Variants in ZMYM2 observed in about 807,000 individuals in gnomAD.
The protein encoded by ZMYM2 is zinc finger MYM-type protein 2.
A neutral mutation model predicts 162.8 loss-of-function variants in ZMYM2; 56 were observed. The observed-to-expected ratio is 0.34, with a 90% CI of 0.28 to 0.43. ZMYM2 has a LOEUF of 0.43. Ranked by LOEUF, ZMYM2 falls within the 20% of genes least tolerant of loss-of-function variation. The pLI is 1.00. For missense variants in ZMYM2, 1,275 were observed against 1,621.8 expected, an observed-to-expected ratio of 0.79 and a Z score of 3.67; for synonymous variants, 510 against 541.6, an observed-to-expected ratio of 0.94 and a Z score of 0.81.
the ZMYM2 span, among the ~76,000 whole-genome samples, chr13:19,870,538 TCTTTC>T: frequency 1.9e-5 from 1 of 51,632 alleles, no homozygotes. Flanking sequence ...TCTTTCTTTC[TCTTTC>T]TTTCTTTCTT....
the ZMYM2 span, among the ~76,000 whole-genome samples, chr13:19,891,585 G>A: frequency 5.9e-4 from 88 of 148,400 alleles, 1 homozygote; most frequent in African/African-American, 1.9e-3. Context: ...AGACCAGCCC[G>A]GGCAACAAAG....
At chr13:20,036,533 A>G (rs1171981802) in intron 11 of ZMYM2, among the ~76,000 whole-genome samples, 1 of 152,166 alleles carries the variant, frequency 6.6e-6, no homozygotes, top group Non-Finnish European at 1.5e-5. Flanking sequence ...TTGAAACATT[A>G]TTTTAACCCA....
At chr13:20,061,559 T>G (rs968177469) in intron 17 of ZMYM2, among the ~76,000 whole-genome samples, 5 of 152,104 alleles carry the variant, frequency 3.3e-5, no homozygotes, top group African/African-American at 1.2e-4. Flanking sequence ...AAAACTCTTA[T>G]TTTGTAATAG....
At chr13:19,884,575 A>T in the ZMYM2 span, among the ~76,000 whole-genome samples, 1 of 152,212 alleles carries the variant, frequency 6.6e-6, no homozygotes, top group East Asian at 1.9e-4. Context: ...ACCTGTATCA[A>T]AAAGAAAAAA....
At chr13:20,063,478 T>C (rs1956385028) in intron 18 of ZMYM2, among the ~76,000 whole-genome samples, 1 of 151,620 alleles carries the variant, frequency 6.6e-6, no homozygotes, top group Non-Finnish European at 1.5e-5. Context: ...GTGTCCTTTT[T>C]AATTTAAAAA....
intron 12 of ZMYM2, among the ~76,000 whole-genome samples, chr13:20,044,776 G>A (rs912201617): frequency 1.4e-4 from 21 of 151,700 alleles, no homozygotes; most frequent in African/African-American, 4.6e-4. Context: ...CAGGCCAGGC[G>A]CGGCGGCTCA....
the ZMYM2 span, among the ~76,000 whole-genome samples, chr13:19,876,936 A>T: frequency 2.0e-5 from 3 of 152,176 alleles, no homozygotes; most frequent in Non-Finnish European, 2.9e-5. Context: ...TTTTAAAAAG[A>T]AGTTTATTGG....
At chr13:19,973,574 G>A (rs1355395355) in intron 2 of ZMYM2, among the ~76,000 whole-genome samples, 2 of 151,266 alleles carry the variant, frequency 1.3e-5, no homozygotes, top group East Asian at 3.9e-4. Flanking sequence ...GAGAGGCTGA[G>A]GCAGAAGAAT....
At chr13:20,051,668 C>A in intron 13 of ZMYM2, 70 bp downstream of exon 13, 1 of 1,428,142 alleles carries the variant, frequency 7.0e-7, no homozygotes, top group Non-Finnish European at 9.4e-7. Flanking sequence ...GAATCCAAAG[C>A]ACTGATAATG....
intron 20 of ZMYM2, 68 bp downstream of exon 20, chr13:20,067,087 T>TAGA: frequency 6.8e-7 from 1 of 1,463,604 alleles, no homozygotes; most frequent in Non-Finnish European, 9.1e-7. Flanking sequence ...TGAGTACCTT[T>TAGA]AAATTTAAAA....
intron 2 of ZMYM2, among the ~76,000 whole-genome samples, chr13:19,986,045 C>T (rs965390715): frequency 4.0e-5 from 6 of 151,822 alleles, no homozygotes; most frequent in African/African-American, 1.5e-4. Context: ...AAAAAATCAG[C>T]CTGGCGTGTG....
At position 20,037,375 on chromosome 13, in the gene ZMYM2, C is replaced by T. The variant is rs142509401; in HGVS notation, c.2292+466C>T. Among the ~76,000 whole-genome samples, 446 of 151,664 alleles carry T rather than the reference C, an allele frequency of 2.9e-3. 4 individuals are homozygous for T. The highest frequency in any genetic ancestry group is 0.01 in the African/African-American group (418 of 41,412). On this transcript the variant is annotated intron_variant, in intron 12 of 24. Transcript: ENST00000610343. ...GGATTACAGGCGCGTGCCACCACGC[C>T]CAGCTAATTTTTATTCTTTTAGTAG...
At chr13:19,994,372 T>C (rs943089970) in intron 3 of ZMYM2, among the ~76,000 whole-genome samples, 3 of 152,214 alleles carry the variant, frequency 2.0e-5, no homozygotes, top group African/African-American at 7.2e-5. Flanking sequence ...ATATCTTGTT[T>C]GTCATGCATT....
the ZMYM2 span, among the ~76,000 whole-genome samples, chr13:19,942,446 C>T: frequency 6.7e-6 from 1 of 149,070 alleles, no homozygotes; most frequent in Non-Finnish European, 1.5e-5. Flanking sequence ...TGGTAAGTGC[C>T]AAGTCAATAA....
At chr13:19,965,438 C>A (rs193233153) in intron 2 of ZMYM2, among the ~76,000 whole-genome samples, 1 of 152,264 alleles carries the variant, frequency 6.6e-6, no homozygotes, top group East Asian at 1.9e-4. Flanking sequence ...TTGGACTAGA[C>A]AGAGTGTTCA....
chr13:19,968,946 A>G (rs1053384152), intron 2 of ZMYM2, among the ~76,000 whole-genome samples: 1 of 152,220 alleles, frequency 6.6e-6, no homozygotes, highest in Non-Finnish European at 1.5e-5. Context: ...TAGGTAATAA[A>G]CAGAAATGAA....
chr13:19,937,695 T>A, the ZMYM2 span, among the ~76,000 whole-genome samples: 1,556 of 151,942 alleles, frequency 0.01, 20 homozygotes, highest in Middle Eastern at 0.024. Context: ...CGTGCAGGTT[T>A]GTTACATAAG....
the ZMYM2 span, among the ~76,000 whole-genome samples, chr13:19,887,528 A>T: frequency 1.2e-3 from 101 of 83,074 alleles, 6 homozygotes; most frequent in African/African-American, 4.9e-3. Flanking sequence ...GACTTGGTAT[A>T]AAAAAAAAAA....
At chr13:20,058,763 T>C in intron 15 of ZMYM2, 59 bp downstream of exon 15, 1 of 1,590,334 alleles carries the variant, frequency 6.3e-7, no homozygotes, top group East Asian at 2.2e-5. Context: ...CCTAATGAAA[T>C]ACATGCTTTT....
Sources: gnomAD v4.1 joint callset for allele counts (sites outside exome capture counted in the v4.1 genomes callset) on GRCh38, gnomAD v4.1.1 for gene constraint, MANE v1.5 for transcripts, NCBI Gene and HGNC (gene_info 2026-07-23, HGNC 2026-07-21) for gene names.